ZAN: variants seen among roughly 807,000 people sequenced by gnomAD.
ZAN encodes the protein zonadhesin (gene/pseudogene).
Under a neutral mutation model 286.2 loss-of-function variants are expected in ZAN, and 260 were observed. The observed-to-expected ratio is 0.91, with a 90% confidence interval of 0.82 to 1.01. ZAN has a LOEUF of 1.01. Ranked by LOEUF, ZAN falls within the 50% of genes least tolerant of loss-of-function variation. The probability of loss-of-function intolerance (pLI) is 0.00; values close to 1 mark genes in which losing one functional copy is unlikely to be tolerated. For synonymous variants in ZAN, 1,368 were observed against 1,417.5 expected, an observed-to-expected ratio of 0.97 and a Z score of 0.79; for missense variants, 3,410 against 3,639.2, an observed-to-expected ratio of 0.94 and a Z score of 1.62.
chr7:100,779,304 G>A, intron 34 of ZAN, 142 bp from the exon 35 acceptor site: 1 of 825,312 alleles, frequency 1.2e-6, no homozygotes. Context: ...ACATGGGAGG[G>A]AAGGCAGAGG....
intron 35 of ZAN, 91 bp downstream of exon 35, chr7:100,779,841 GTTCC>G (rs1299129096): frequency 1.5e-6 from 2 of 1,324,698 alleles, no homozygotes; most frequent in Non-Finnish European, 2.0e-6. Flanking sequence ...CTTCCTGTTC[GTTCC>G]TGACTAACTC....
intron 14 of ZAN, among the ~76,000 whole-genome samples, chr7:100,754,809 G>A (rs982429698): frequency 8.5e-5 from 13 of 152,066 alleles, no homozygotes; most frequent in African/African-American, 3.1e-4. Flanking sequence ...GATTACAGGG[G>A]TGAGCCACTG....
At chr7:100,765,267 G>A (rs1296686920) in intron 22 of ZAN, 85 bp from the exon 23 acceptor site, 3 of 1,424,454 alleles carry the variant, frequency 2.1e-6, no homozygotes, top group Non-Finnish European at 2.9e-6. Flanking sequence ...TGGAGCTGGG[G>A]CCCTTCCGAA....
chr7:100,776,102 T>C (rs1196923858), intron 33 of ZAN, among the ~76,000 whole-genome samples: 2 of 151,532 alleles, frequency 1.3e-5, no homozygotes, highest in Non-Finnish European at 2.9e-5. Context: ...TCACCTGAGG[T>C]CAGGAGGTCG....
At chr7:100,796,355 A>C (rs754161963) in intron 45 of ZAN, among the ~76,000 whole-genome samples, 1 of 151,134 alleles carries the variant, frequency 6.6e-6, no homozygotes, top group Admixed American at 6.6e-5. Context: ...ACTTGTGTAC[A>C]TGTATATTCC....
At position 100,734,388 on chromosome 7, in the gene ZAN, G is replaced by A. The variant is rs1220127001; in HGVS notation, c.53+167G>A. ...TAATCCCAGCACTTTGGGAGGCTGA[G>A]GTGGGCAGATCACGAGGTCAGGAGA... On this transcript the variant is annotated intron_variant, in intron 2 of 47. Transcript: ENST00000613979. 2.1e-5 allele frequency among the ~76,000 whole-genome samples: 3 copies of A among 140,980 alleles called. 1 individual carries two copies. The highest frequency in any genetic ancestry group is 7.7e-5 in the African/African-American group (3 of 38,740). 92.5% of individuals were successfully genotyped at this position (140,980 alleles called of 152,430 possible). A position where few individuals can be genotyped will look rare whatever the true frequency, so the allele number is the denominator to read the frequency against.
Position 100,752,711 on chromosome 7 carries a change from A to G in ZAN, c.2606A>G (p.Glu869Gly). The G allele has an allele frequency of 6.5e-7, 1 of 1,547,812 alleles. No individual in the cohort carries two copies. The highest frequency in any genetic ancestry group is 8.8e-7 in the Non-Finnish European group (1 of 1,136,192). The change falls in exon 14 of 48, where the codon GAA becomes GGA. Residue 869 changes from glutamate (E) to glycine (G), a missense_variant. Around this residue, in one of 7 missense-constraint regions of ZAN, gnomAD observed 51 missense variants for 105.2 expected, o/e 0.48. Coordinates refer to ENST00000613979, the MANE Select transcript of ZAN (RefSeq NM_003386.3). Reference sequence around the variant, plus strand: ...ACAGAAAAACCCACCATCTCCCCAGAAAAACTCACCATCCCCACGGAAAAA... The same window carrying G: ...ACAGAAAAACCCACCATCTCCCCAGGAAAACTCACCATCCCCACGGAAAAA... Reference protein sequence around the residue: ...IPTEKPTISPEKLTIPTEKLT... With the variant: ...IPTEKPTISPGKLTIPTEKLT...
chr7:100,771,426 GT>G (rs922324238), intron 28 of ZAN, among the ~76,000 whole-genome samples: 22 of 145,812 alleles, frequency 1.5e-4, no homozygotes, highest in African/African-American at 2.3e-4. Flanking sequence ...AATCCAGGAG[GT>G]TTTTTTTTTG....
Position 100,752,617 on chromosome 7 carries a change from A to G in ZAN, c.2512A>G (p.Ile838Val), listed in dbSNP as rs1808816092. The part of the protein sequence containing the change: ...ETTTSVEETT[I>V]STEKLTIPME... ...CACCACCTCTGTTGAAGAGACTACC[A>G]TCTCTACAGAAAAACTCACCATCCC... is the stretch of plus-strand genomic sequence containing the variant. The change falls in exon 14 of 48, where the codon ATC becomes GTC. Residue 838 changes from isoleucine (I) to valine (V), a missense_variant. Coordinates refer to ENST00000613979, the MANE Select transcript of ZAN (RefSeq NM_003386.3). 2 of 1,610,280 alleles carry G rather than the reference A, an allele frequency of 1.2e-6. No homozygotes were observed. The highest frequency in any genetic ancestry group is 8.5e-7 in the Non-Finnish European group (1 of 1,179,200).
At chr7:100,778,715 T>C (rs1392565788) in intron 34 of ZAN, among the ~76,000 whole-genome samples, 1 of 152,094 alleles carries the variant, frequency 6.6e-6, no homozygotes, top group African/African-American at 2.4e-5. Context: ...GAGAGGTCTC[T>C]CTGGGTCATT....
intron 34 of ZAN, among the ~76,000 whole-genome samples, chr7:100,777,001 G>A (rs1810863392): frequency 6.7e-6 from 1 of 148,892 alleles, no homozygotes; most frequent in Admixed American, 6.8e-5. Flanking sequence ...CAAAGTGCTG[G>A]GATTACAGGC....
chr7:100,788,121 T>G lies in ZAN; in HGVS notation c.7212T>G (p.Ala2404=), dbSNP rs763679262. The change falls in exon 38 of 48, where the codon GCT becomes GCG. Residue 2404 remains alanine (A), a synonymous_variant. Coordinates refer to ENST00000613979, the MANE Select transcript of ZAN (RefSeq NM_003386.3). ...TVYGYKVQLQ[A]GLELVVNNQK... ...ACGGCTATAAAGTGCAGCTCCAAGCTGGTCTGGAGCTTGTGGTAAGAGCTG... is the reference window on the plus strand; with the variant it reads ...ACGGCTATAAAGTGCAGCTCCAAGCGGGTCTGGAGCTTGTGGTAAGAGCTG... 6.7e-7 allele frequency: 1 copy of G among 1,501,712 alleles called. No individual in the cohort carries two copies. Among genetic ancestry groups the G allele is most frequent in the South Asian group, 1.3e-5 (1 of 74,564 alleles). The allele number at this position is 1,501,712 out of a possible 1,614,324, so 93.0% of individuals were successfully genotyped here.
chr7:100,735,549 G>A lies in ZAN; in HGVS notation c.54-171G>A, dbSNP rs540618002. Among the ~76,000 whole-genome samples, 13 of 122,632 alleles carry A rather than the reference G, an allele frequency of 1.1e-4. 1 individual carries two copies. The highest frequency in any genetic ancestry group is 7.5e-4 in the South Asian group (3 of 3,990). The allele number at this position is 122,632 out of a possible 152,430, so 80.5% of individuals were successfully genotyped here. ...ATCACTGCACTCTAGCCTGGGTGCC[G>A]GAAAAAAAAAAAAAGAAAAGAAAAA... is the stretch of plus-strand genomic sequence containing the variant. On this transcript the variant is annotated intron_variant, in intron 2 of 47. Coordinates refer to ENST00000613979, the MANE Select transcript of ZAN (RefSeq NM_003386.3).
chr7:100,773,185 C>T (rs112628742), intron 29 of ZAN, 100 bp from the exon 30 acceptor site: 16 of 1,335,466 alleles, frequency 1.2e-5, no homozygotes, highest in Admixed American at 6.2e-5. Flanking sequence ...ATTACATGTG[C>T]GAGCTACCGC....
At chr7:100,772,784 G>A (rs1810464425) in intron 29 of ZAN, among the ~76,000 whole-genome samples, 1 of 151,098 alleles carries the variant, frequency 6.6e-6, no homozygotes, top group South Asian at 2.1e-4. Context: ...TCATGCCACT[G>A]CACTCCAGCC....
Position 100,752,944 on chromosome 7 carries a change from A to G in ZAN, c.2839A>G (p.Lys947Glu). The change falls in exon 14 of 48, where the codon AAA (lysine) becomes GAA (glutamate). Residue 947 changes from lysine to glutamate, a missense_variant. Around this residue, in one of 7 missense-constraint regions of ZAN, gnomAD observed 1,042 missense variants for 1,058.0 expected, o/e 0.98. Coordinates refer to ENST00000613979, the MANE Select transcript of ZAN (RefSeq NM_003386.3). ...AGAAAAACTCACCATCCCCACAGAAAAACCCACCATCTCCCCAGAAAAACT... is the reference window on the plus strand; with the variant it reads ...AGAAAAACTCACCATCCCCACAGAAGAACCCACCATCTCCCCAGAAAAACT... ...STEKLTIPTE[K>E]PTISPEKLTI... 1 of 1,608,526 alleles carries G rather than the reference A, an allele frequency of 6.2e-7. No individual in the cohort carries two copies. The highest frequency in any genetic ancestry group is 8.5e-7 in the Non-Finnish European group (1 of 1,178,254).
intron 12 of ZAN, 110 bp from the exon 13 acceptor site, chr7:100,751,072 G>A (rs1457838846): frequency 7.4e-7 from 1 of 1,342,604 alleles, no homozygotes; most frequent in Admixed American, 2.7e-5. Flanking sequence ...GTTGAGGCTG[G>A]AACAAGGCGA....
In ZAN at chr7:100,779,876, C is replaced by G. The variant is rs1584617246; in HGVS notation, c.6622+126C>G. 8 of 1,069,718 alleles carry G rather than the reference C, an allele frequency of 7.5e-6. No homozygotes were observed. In the East Asian group the frequency reaches 2.2e-4, roughly 29 times the overall value. 66.3% of individuals were successfully genotyped at this position (1,069,718 alleles called of 1,614,324 possible). A position where few individuals can be genotyped will look rare whatever the true frequency, so the allele number is the denominator to read the frequency against. Reference sequence around the variant, plus strand: ...AACTCAGCCCTCATTGTTTCTTTGACAAGGACTATTTTTTAATTTTTATAT... The same window carrying G: ...AACTCAGCCCTCATTGTTTCTTTGAGAAGGACTATTTTTTAATTTTTATAT... On this transcript the variant is annotated intron_variant, in intron 35 of 47. Transcript: ENST00000613979.
intron 34 of ZAN, among the ~76,000 whole-genome samples, chr7:100,777,237 G>T (rs920825932): frequency 1.3e-5 from 2 of 152,018 alleles, no homozygotes. Flanking sequence ...CAGAGACGGG[G>T]TTTCACCATA....
Sources: allele counts gnomAD v4.1 joint callset (sites outside exome capture counted in the v4.1 genomes callset), GRCh38; gene constraint gnomAD v4.1.1; regional missense constraint gnomAD v4.1.1; transcripts MANE v1.5; gene names NCBI Gene and HGNC (gene_info 2026-07-23, HGNC 2026-07-21).